Variants in PPP1R13L observed in about 807,000 individuals in gnomAD.
The protein encoded by PPP1R13L is protein phosphatase 1 regulatory subunit 13 like.
PPP1R13L carries 50 observed loss-of-function variants against 80.9 expected under a neutral mutation model. That is an observed-to-expected ratio of 0.62 (90% CI 0.49 to 0.78). The LOEUF (loss-of-function observed/expected upper bound fraction) is 0.78. Among genes scored for constraint, PPP1R13L ranks in the 30% least tolerant of loss-of-function variants. PPP1R13L has a pLI of 0.00. For synonymous variants in PPP1R13L, 602 were observed against 534.3 expected, an observed-to-expected ratio of 1.13 and a Z score of -1.75; for missense variants, 1,200 against 1,205.9, an observed-to-expected ratio of 1.00 and a Z score of 0.07.
chr19:45,390,863 C>T (rs1047215718), intron 8 of PPP1R13L, among the ~76,000 whole-genome samples: 5 of 152,046 alleles, frequency 3.3e-5, no homozygotes, highest in Middle Eastern at 3.2e-3. Context: ...GGATTACAGG[C>T]GTGAGCCACC....
chr19:45,389,369 C>G (rs534852471), intron 8 of PPP1R13L, among the ~76,000 whole-genome samples: 144 of 152,240 alleles, frequency 9.5e-4, no homozygotes, highest in Non-Finnish European at 1.5e-3. Context: ...ACGGAGTGTT[C>G]AGGACTGTTC....
At chr19:45,401,675 TTGTC>T (rs1461323161) in intron 1 of PPP1R13L, among the ~76,000 whole-genome samples, 11 of 152,150 alleles carry the variant, frequency 7.2e-5, no homozygotes, top group Non-Finnish European at 1.5e-4. Context: ...ATTCTCCAAT[TTGTC>T]TAACCCAGAA....
chr19:45,396,463 A>T lies in PPP1R13L; in HGVS notation c.713-27T>A. 1 of 1,613,356 alleles carries T rather than the reference A, an allele frequency of 6.2e-7. No homozygotes were observed. Among genetic ancestry groups the T allele is most frequent in the Non-Finnish European group, 8.5e-7 (1 of 1,179,844 alleles). On this transcript the variant is annotated intron_variant, in intron 4 of 12. Transcript: ENST00000360957. This position sits in a 1 kb window ranked among gnomAD's most constrained non-coding sequence, Gnocchi z 5.3. The stretch of plus-strand genomic sequence containing the variant: ...TGGGGAGAAGTTTCCAGGGAGGATG[A>T]GACGGGAGGGGTGGCGAGCCCCGGA...
In PPP1R13L at chr19:45,398,245, G is replaced by C; in HGVS notation, c.55+19C>G. On this transcript the variant is annotated intron_variant, in intron 2 of 12. Transcript: ENST00000360957. ...CCGAGGTCCCCGCCTCGCCAGCCCCGCCCCCTACTCCAGCTTACACTGGAA... is the reference window on the plus strand; with the variant it reads ...CCGAGGTCCCCGCCTCGCCAGCCCCCCCCCCTACTCCAGCTTACACTGGAA... The C allele has an allele frequency of 1.9e-6, 3 of 1,613,582 alleles. No individual in the cohort carries two copies. The South Asian group carries it at 3.3e-5, about 18-fold the overall frequency.
At chr19:45,383,953 C>A (rs112524297) in intron 11 of PPP1R13L, among the ~76,000 whole-genome samples, 1 of 151,776 alleles carries the variant, frequency 6.6e-6, no homozygotes, top group African/African-American at 2.4e-5. Flanking sequence ...TTAATAGAGA[C>A]GGGGTTTCAC....
chr19:45,392,354 G>A lies in PPP1R13L; in HGVS notation c.1355-14C>T. On this transcript the variant is annotated splice_polypyrimidine_tract_variant and intron_variant, in intron 7 of 12. Transcript: ENST00000360957. ...GTTTGGGGGGTCCTAGCCGGAACAA[G>A]AGCCCATCAGAGGACAGGTCCCCAG... The A allele has an allele frequency of 6.2e-7, 1 of 1,612,048 alleles. No individual in the cohort carries two copies. The highest frequency in any genetic ancestry group is 8.5e-7 in the Non-Finnish European group (1 of 1,179,208).
At chr19:45,405,155 CCTCGAGCA>C (rs1287563863), upstream of PPP1R13L, 1 of 496,536 alleles carries the variant, frequency 2.0e-6, no homozygotes, top group Non-Finnish European at 2.6e-6. Context: ...GCCAAGGTCG[CCTCGAGCA>C]CCTTGGGACT....
upstream of PPP1R13L, among the ~76,000 whole-genome samples, chr19:45,405,882 G>C (rs189912081): frequency 5.5e-3 from 834 of 152,332 alleles, 23 homozygotes; most frequent in Admixed American, 0.016. Context: ...CCAAATCTGT[G>C]TCCACGTGCC....
At chr19:45,383,793 GCT>G (rs1292595778) in intron 11 of PPP1R13L, among the ~76,000 whole-genome samples, 1 of 151,338 alleles carries the variant, frequency 6.6e-6, no homozygotes, top group African/African-American at 2.4e-5. Flanking sequence ...ACGGAGTCTT[GCT>G]CTGTCGCCCA....
Position 45,396,917 on chromosome 19 carries a change from G to T in PPP1R13L, c.340C>A (p.Pro114Thr). The T allele has an allele frequency of 1.3e-6, 2 of 1,495,554 alleles. No individual in the cohort carries two copies. Among genetic ancestry groups the T allele is most frequent in the South Asian group, 1.3e-5 (1 of 75,392 alleles). 92.6% of individuals were successfully genotyped at this position (1,495,554 alleles called of 1,614,324 possible). Reference protein sequence around the residue: ...PTLHPYSPLSPKGRPSSPRTP... With the variant: ...PTLHPYSPLSTKGRPSSPRTP... ...CGCGGCGACGACGGCCGTCCCTTGG[G>T]GGACAGCGGGCTGTAGGGGTGTAGG... The change falls in exon 4 of 13, where the codon CCC becomes ACC. Residue 114 changes from proline (P) to threonine (T), a missense_variant. This residue lies in a region of PPP1R13L where 764 missense variants were observed against 714.5 expected (regional missense o/e 1.07). Coordinates refer to ENST00000360957, the MANE Select transcript of PPP1R13L (RefSeq NM_006663.4). The surrounding 1 kb of genome is among the most constrained non-coding windows in gnomAD (Gnocchi z 5.3).
chr19:45,384,847 T>C (rs1202327894), intron 11 of PPP1R13L, among the ~76,000 whole-genome samples: 1 of 151,986 alleles, frequency 6.6e-6, no homozygotes, highest in Non-Finnish European at 1.5e-5. Context: ...TGAGACTCTG[T>C]CTCAAAAATA....
chr19:45,397,362 TTCTTTCTC>T (rs147453566), intron 3 of PPP1R13L, among the ~76,000 whole-genome samples: 3,028 of 151,740 alleles, frequency 0.02, 103 homozygotes, highest in African/African-American at 0.07. Flanking sequence ...CTTTCTTTCT[TTCTTTCTC>T]TCTCTTTCTT....
rs761259410 is a variant in PPP1R13L, at chr19:45,396,741, G to T, written c.516C>A (p.Pro172=). ...CGCGGCCCAGGAAGTCGAAAGGCGT[G>T]GGGGGACCCTGCTGGCGGAGCGGGC... The part of the protein sequence containing the change: ...GPGPLRQQGP[P]TPFDFLGRAG... The change falls in exon 4 of 13, where the codon CCC becomes CCA. Residue 172 remains proline, a synonymous_variant. Coordinates refer to ENST00000360957, the MANE Select transcript of PPP1R13L (RefSeq NM_006663.4). The surrounding 1 kb of genome is among the most constrained non-coding windows in gnomAD (Gnocchi z 5.3). 1.6e-5 allele frequency: 22 copies of T among 1,371,044 alleles called. No homozygotes were observed. In the East Asian group the frequency reaches 4.1e-4, roughly 25 times the overall value. The allele number at this position is 1,371,044 out of a possible 1,614,324, so 84.9% of individuals were successfully genotyped here.
At chr19:45,390,623 G>C (rs1022666546) in intron 8 of PPP1R13L, among the ~76,000 whole-genome samples, 2 of 152,114 alleles carry the variant, frequency 1.3e-5, no homozygotes, top group East Asian at 1.9e-4. Context: ...CGGGGAGCTC[G>C]GCTCTTAAGA....
intron 12 of PPP1R13L, among the ~76,000 whole-genome samples, 185 bp downstream of exon 12, chr19:45,382,342 C>T (rs576175244): frequency 6.6e-6 from 1 of 152,272 alleles, no homozygotes; most frequent in South Asian, 2.1e-4. Flanking sequence ...GACCCTTACC[C>T]CCGACATTAC....
chr19:45,398,272 T>G lies in PPP1R13L; in HGVS notation c.47A>C (p.Asn16Thr). ...CCCCTACTCCAGCTTACACTGGAAG[T>G]TCATGTCCAGAAAGTCCCGCGCGCT... ...FQSARDFLDM[N>T]FQSLAMKHMD... Residue 16 changes from asparagine to threonine, a missense_variant, in exon 2 of 13, where the codon AAC (asparagine) becomes ACC (threonine). Around this residue, in one of 5 missense-constraint regions of PPP1R13L, gnomAD observed 764 missense variants for 714.5 expected, o/e 1.07. Transcript: ENST00000360957. 1 of 1,613,864 alleles carries G rather than the reference T, an allele frequency of 6.2e-7. No homozygotes were observed. The highest frequency in any genetic ancestry group is 8.5e-7 in the Non-Finnish European group (1 of 1,179,902).
rs372811030 is a variant in PPP1R13L, at chr19:45,398,249, C to T, written c.55+15G>A. The T allele has an allele frequency of 1.5e-4, 241 of 1,613,888 alleles. 1 individual carries two copies. The African/African-American group carries it at 2.2e-3, about 15-fold the overall frequency. ...GGTCCCCGCCTCGCCAGCCCCGCCCCCTACTCCAGCTTACACTGGAAGTTC... is the reference window on the plus strand; with the variant it reads ...GGTCCCCGCCTCGCCAGCCCCGCCCTCTACTCCAGCTTACACTGGAAGTTC... On this transcript the variant is annotated intron_variant, in intron 2 of 12. Coordinates refer to ENST00000360957, the MANE Select transcript of PPP1R13L (RefSeq NM_006663.4).
chr19:45,382,649 C>T lies in PPP1R13L; in HGVS notation c.2326G>A (p.Glu776Lys). Residue 776 changes from glutamate to lysine, a missense_variant, in exon 12 of 13, where the codon GAG becomes AAG. Around this residue, in one of 5 missense-constraint regions of PPP1R13L, gnomAD observed 165 missense variants for 177.1 expected, o/e 0.93. Coordinates refer to ENST00000360957, the MANE Select transcript of PPP1R13L (RefSeq NM_006663.4). ...GACTCGCCCTCGCGGAAGGACAGCT[C>T]GTCCCCGAACTCGGCGCTGTAGTCC... ...LWDYSAEFGD[E>K]LSFREGESVT... 6.2e-7 allele frequency: 1 copy of T among 1,613,932 alleles called. No individual in the cohort carries two copies.
chr19:45,392,200 G>A lies in PPP1R13L; in HGVS notation c.1495C>T (p.Pro499Ser). ...AGCTCGGGCACCGACTGTGCCTCCG[G>A]TGGCAGTGCTGGCTGCAGCCTCGTG... ...SPTRLQPALP[P>S]EAQSVPELEE... is the part of the protein sequence containing the mutation. The change falls in exon 8 of 13, where the codon CCG (proline) becomes TCG (serine). Residue 499 changes from proline (P) to serine (S), a missense_variant. By Grantham distance (74) the Pro-to-Ser change is moderately conservative. Transcript: ENST00000360957. The A allele has an allele frequency of 6.2e-7, 1 of 1,611,774 alleles. No individual in the cohort carries two copies. Among genetic ancestry groups the A allele is most frequent in the Non-Finnish European group, 8.5e-7 (1 of 1,178,632 alleles).
Sources: allele counts gnomAD v4.1 joint callset (sites outside exome capture counted in the v4.1 genomes callset), GRCh38; gene constraint gnomAD v4.1.1; regional missense constraint gnomAD v4.1.1; non-coding constraint Gnocchi (gnomAD v3.1); transcripts MANE v1.5; gene names NCBI Gene and HGNC (gene_info 2026-07-23, HGNC 2026-07-21).